The following GPSM2 variants were observed in gnomAD, a reference collection of about 807,000 sequenced individuals.
The protein encoded by GPSM2 is G protein signaling modulator 2.
In GPSM2, 58 loss-of-function variants were observed where a neutral mutation model predicts 78.4. The observed-to-expected ratio is 0.74, with a 90% CI of 0.60 to 0.92. The LOEUF is 0.92. GPSM2 is among the 40% of genes least tolerant of loss of function. GPSM2 has a pLI of 0.00. For missense variants in GPSM2, 700 were observed against 815.5 expected (o/e 0.86, Z 1.73); for synonymous variants, 224 against 280.2 (o/e 0.80, Z 2.00).
At chr1:108,922,170 CTG>C (rs1650764334) in intron 12 of GPSM2, among the ~76,000 whole-genome samples, 1 of 152,160 alleles carries the variant, frequency 6.6e-6, no homozygotes, top group Non-Finnish European at 1.5e-5. Context: ...AATTCAGTAT[CTG>C]TAGTGGTTCT....
intron 9 of GPSM2, among the ~76,000 whole-genome samples, 156 bp downstream of exon 9, chr1:108,903,390 G>C (rs973185204): frequency 6.6e-6 from 1 of 152,116 alleles, no homozygotes; most frequent in Non-Finnish European, 1.5e-5. Context: ...AGCATTTTGA[G>C]GTACAGATCA....
intron 3 of GPSM2, 95 bp from the exon 4 acceptor site, chr1:108,897,397 T>C: frequency 1.6e-6 from 2 of 1,249,774 alleles, no homozygotes; most frequent in Non-Finnish European, 2.3e-6. Context: ...CAGTTTGTCC[T>C]CTTGGAAAAC....
At chr1:108,880,710 C>T (rs1665852500) in intron 1 of GPSM2, among the ~76,000 whole-genome samples, 1 of 152,132 alleles carries the variant, frequency 6.6e-6, no homozygotes, top group Admixed American at 6.5e-5. Context: ...TAATAAATGG[C>T]TATGCTTACC....
intron 5 of GPSM2, 137 bp from the exon 6 acceptor site, chr1:108,898,505 G>A: frequency 1.4e-6 from 1 of 720,826 alleles, no homozygotes; most frequent in South Asian, 1.8e-5. Flanking sequence ...CATCATAGAT[G>A]TCATCCTTAA....
chr1:108,900,380 AG>A (rs1648712154), intron 7 of GPSM2, among the ~76,000 whole-genome samples: 1 of 152,080 alleles, frequency 6.6e-6, no homozygotes, highest in Non-Finnish European at 1.5e-5. Context: ...CTGGGATTAC[AG>A]GTGTCTGCCA....
chr1:108,877,009 G>C lies in GPSM2; in HGVS notation c.-468G>C, dbSNP rs907158220. 2.6e-4 allele frequency: 39 copies of C among 152,512 alleles called. No individual in the cohort carries two copies. The highest frequency in any genetic ancestry group is 3.4e-3 in the Middle Eastern group (1 of 298). The allele number at this position is 152,512 out of a possible 1,614,324, so 9.4% of individuals were successfully genotyped here. On this transcript the variant is annotated 5_prime_UTR_variant, in exon 1 of 15. Coordinates refer to ENST00000264126, the MANE Select transcript of GPSM2 (RefSeq NM_013296.5). ...CGCAGAGGAGGGCGGTGTTGAGACC[G>C]GCGGAGCGGCGGGACCCCTAGGTGG...
chr1:108,928,888 C>T (rs1651398959), intron 14 of GPSM2, among the ~76,000 whole-genome samples: 1 of 151,158 alleles, frequency 6.6e-6, no homozygotes, highest in African/African-American at 2.4e-5. Flanking sequence ...TACTGGGAGG[C>T]TGAGGCTGAA....
At position 108,929,900 on chromosome 1, in the gene GPSM2, T is replaced by C. The variant is rs1361681664; in HGVS notation, c.2015T>C (p.Leu672Ser). 6.2e-7 allele frequency: 1 copy of C among 1,613,782 alleles called. No individual in the cohort carries two copies. Among genetic ancestry groups the C allele is most frequent in the Non-Finnish European group, 8.5e-7 (1 of 1,179,674 alleles). Residue 672 changes from leucine (L) to serine (S), a missense_variant, in exon 15 of 15, where the codon TTG becomes TCG. Transcript: ENST00000264126. ...GACTTTTTGCAAAATAATGCTTTGT[T>C]GGAGTTTAAAAATTCAGGGAAAAAA... is the stretch of plus-strand genomic sequence containing the variant. Reference protein sequence around the residue: ...LKDFLQNNALLEFKNSGKKSA... With the variant: ...LKDFLQNNALSEFKNSGKKSA...
intron 2 of GPSM2, among the ~76,000 whole-genome samples, chr1:108,896,333 T>C (rs968456456): frequency 2.6e-5 from 4 of 151,856 alleles, no homozygotes; most frequent in African/African-American, 9.7e-5. Context: ...AGTGGACATG[T>C]GGTGGTAAGA....
At position 108,934,369 on chromosome 1, in the gene GPSM2, A is replaced by T; in HGVS notation, c.*4429A>T. 1 of 326,638 alleles carries T rather than the reference A, an allele frequency of 3.1e-6. No individual in the cohort carries two copies. Among genetic ancestry groups the T allele is most frequent in the Non-Finnish European group, 5.6e-6 (1 of 179,382 alleles). 20.2% of individuals were successfully genotyped at this position (326,638 alleles called of 1,614,324 possible). ...TTCTTTTTCAATGTCCCCAATTCAA[A>T]CTGGCCTCCTTAACTATCCAGAATC... On this transcript the variant is annotated 3_prime_UTR_variant, in exon 15 of 15. Transcript: ENST00000264126.
chr1:108,908,651 C>G (rs1649447927), intron 10 of GPSM2, among the ~76,000 whole-genome samples: 1 of 148,194 alleles, frequency 6.7e-6, no homozygotes, highest in Non-Finnish European at 1.5e-5. Flanking sequence ...CTCCAGCCGA[C>G]AGAGAGAGAC....
At chr1:108,881,217 A>G (rs186954198) in intron 1 of GPSM2, among the ~76,000 whole-genome samples, 3 of 152,306 alleles carry the variant, frequency 2.0e-5, no homozygotes, top group Admixed American at 6.5e-5. Flanking sequence ...TGATCTAGCA[A>G]TTTTGTTAAT....
intron 7 of GPSM2, among the ~76,000 whole-genome samples, chr1:108,900,278 C>T (rs954347347): frequency 2.1e-5 from 3 of 139,572 alleles, no homozygotes; most frequent in African/African-American, 5.4e-5. Context: ...TTGCTCTTGT[C>T]GCCCAGGCTG....
At chr1:108,893,695 T>G (rs1436129216) in intron 2 of GPSM2, among the ~76,000 whole-genome samples, 2 of 152,204 alleles carry the variant, frequency 1.3e-5, no homozygotes, top group African/African-American at 4.8e-5. Context: ...ATTCATTGGT[T>G]TCAGTTTTTG....
At position 108,895,346 on chromosome 1, in the gene GPSM2, T is replaced by C. The variant is rs551466704; in HGVS notation, c.57-1518T>C. ...AATCAGAGCTTCTCAAAGAGTGATATGTATGCCACTGGTGGTACATAAGGT... is the reference window on the plus strand; with the variant it reads ...AATCAGAGCTTCTCAAAGAGTGATACGTATGCCACTGGTGGTACATAAGGT... On this transcript the variant is annotated intron_variant, in intron 2 of 14. Transcript: ENST00000264126. Among the ~76,000 whole-genome samples, 6 of 152,372 alleles carry C rather than the reference T, an allele frequency of 3.9e-5. No individual in the cohort carries two copies. The South Asian group carries it at 1.2e-3, about 32-fold the overall frequency.
chr1:108,878,144 A>G (rs1232151077), intron 1 of GPSM2, among the ~76,000 whole-genome samples: 1 of 152,216 alleles, frequency 6.6e-6, no homozygotes, highest in Non-Finnish European at 1.5e-5. Context: ...TGCTTCTGAT[A>G]AATACCACTT....
chr1:108,896,390 C>T (rs534388941), intron 2 of GPSM2, among the ~76,000 whole-genome samples: 3 of 151,650 alleles, frequency 2.0e-5, no homozygotes, highest in East Asian at 1.9e-4. Flanking sequence ...AGAGAGAGAG[C>T]GAGGGATGGA....
rs77121685 is a variant in GPSM2 at position 108,901,810 on chromosome 1, G to T, written c.818G>T (p.Arg273Leu). Residue 273 changes from arginine to leucine, a missense_variant, in exon 8 of 15, where the codon CGA becomes CTA. By Grantham distance (102) the Arg-to-Leu change is moderately radical. Transcript: ENST00000264126. ...EYYKKTLLLA[R>L]QLKDRAVEAQ... ...TGTAGGAAGACACTACTGTTGGCCC[G>T]ACAGCTTAAAGACCGAGCTGTAGAA... The T allele has an allele frequency of 1.9e-6, 3 of 1,611,874 alleles. No homozygotes were observed. The highest frequency in any genetic ancestry group is 2.5e-6 in the Non-Finnish European group (3 of 1,178,008).
At position 108,934,382 on chromosome 1, in the gene GPSM2, ACTAT is replaced by A. The variant is rs762910612; in HGVS notation, c.*4444_*4447del. 3 of 365,666 alleles carry A rather than the reference ACTAT, an allele frequency of 8.2e-6. No individual in the cohort carries two copies. The highest frequency in any genetic ancestry group is 2.0e-5 in the African/African-American group (1 of 48,912). 22.7% of individuals were successfully genotyped at this position (365,666 alleles called of 1,614,324 possible). On this transcript the variant is annotated 3_prime_UTR_variant, in exon 15 of 15. Coordinates refer to ENST00000264126, the MANE Select transcript of GPSM2 (RefSeq NM_013296.5). ...TCCCCAATTCAAACTGGCCTCCTTA[ACTAT>A]CCAGAATCAGTGATGCCTGTCATCT... is the stretch of plus-strand genomic sequence containing the variant.
Sources: gnomAD v4.1 joint callset for allele counts (sites outside exome capture counted in the v4.1 genomes callset) on GRCh38, gnomAD v4.1.1 for gene constraint, MANE v1.5 for transcripts, NCBI Gene and HGNC (gene_info 2026-07-23, HGNC 2026-07-21) for gene names.